The following CSMD3 variants were observed in gnomAD, a reference collection of about 807,000 sequenced individuals.
CSMD3 encodes the protein CUB and Sushi multiple domains 3, also known as CUB and sushi domain-containing protein 3.
In CSMD3, 177 loss-of-function variants were observed where a neutral mutation model predicts 435.2. That is an observed-to-expected ratio of 0.41 (90% CI 0.36 to 0.46). The LOEUF (loss-of-function observed/expected upper bound fraction) is 0.46. Among genes scored for constraint, CSMD3 ranks in the 20% least tolerant of loss-of-function variants. The probability of loss-of-function intolerance (pLI) is 0.34; values close to 1 mark genes in which losing one functional copy is unlikely to be tolerated. For synonymous variants in CSMD3, 1,656 were observed against 1,520.5 expected, an observed-to-expected ratio of 1.09 and a Z score of -2.07; for missense variants, 4,265 against 4,504.6, an observed-to-expected ratio of 0.95 and a Z score of 1.52.
At chr8:113,268,787 G>A (rs1015460877) in intron 3 of CSMD3, among the ~76,000 whole-genome samples, 1 of 151,982 alleles carries the variant, frequency 6.6e-6, no homozygotes, top group Admixed American at 6.6e-5. Context: ...CTTCATGATA[G>A]TTCTATGCCA....
In CSMD3 at chr8:112,707,834, A is replaced by T. The variant is rs186803771; in HGVS notation, c.1973-17784T>A. Reference sequence around the variant, plus strand: ...ATTCTAGAAAGAACTCTATAATTTTAAAAGAATATTAAGTTGTATTTGGGA... The same window carrying T: ...ATTCTAGAAAGAACTCTATAATTTTTAAAGAATATTAAGTTGTATTTGGGA... On this transcript the variant is annotated intron_variant, in intron 13 of 70. Transcript: ENST00000297405. 8.9e-4 allele frequency among the ~76,000 whole-genome samples: 136 copies of T among 152,242 alleles called. 1 individual carries two copies. The East Asian group carries it at 0.023, about 26-fold the overall frequency.
At chr8:113,246,604 T>C (rs1174433012) in intron 3 of CSMD3, among the ~76,000 whole-genome samples, 1 of 152,160 alleles carries the variant, frequency 6.6e-6, no homozygotes, top group Admixed American at 6.6e-5. Flanking sequence ...ACTACTTTTT[T>C]CCTATTATGG....
At chr8:112,313,778 T>G in intron 49 of CSMD3, 128 bp downstream of exon 49, 2 of 722,422 alleles carry the variant, frequency 2.8e-6, no homozygotes, top group South Asian at 3.3e-5. Flanking sequence ...ACATAAATTG[T>G]CCAGGAACCA....
intron 11 of CSMD3, among the ~76,000 whole-genome samples, chr8:112,841,756 C>T (rs2080183955): frequency 6.6e-6 from 1 of 151,510 alleles, no homozygotes; most frequent in South Asian, 2.1e-4. Context: ...ATAGGGTGGA[C>T]ACTGAAGAGG....
chr8:113,248,734 C>T (rs1306462303), intron 3 of CSMD3, among the ~76,000 whole-genome samples: 1 of 151,242 alleles, frequency 6.6e-6, no homozygotes, highest in Admixed American at 6.6e-5. Flanking sequence ...ACGTATAATA[C>T]ACATTCAATT....
intron 40 of CSMD3, among the ~76,000 whole-genome samples, chr8:112,347,931 G>T (rs1202100169): frequency 6.6e-6 from 1 of 152,184 alleles, no homozygotes; most frequent in East Asian, 1.9e-4. Flanking sequence ...TCTTTGAGCT[G>T]CTGATTGTCC....
intron 38 of CSMD3, among the ~76,000 whole-genome samples, chr8:112,353,981 T>C: frequency 6.6e-6 from 1 of 152,092 alleles, no homozygotes; most frequent in East Asian, 1.9e-4. Context: ...CAGTAGCATA[T>C]CAAAAAGTTA....
chr8:112,337,438 A>G (rs940581693), intron 43 of CSMD3, 105 bp downstream of exon 43: 9 of 852,714 alleles, frequency 1.1e-5, no homozygotes, highest in African/African-American at 1.0e-4. Flanking sequence ...CTGAGAGACT[A>G]TATATTTAGC....
At chr8:113,294,662 A>T (rs1486650714) in intron 2 of CSMD3, among the ~76,000 whole-genome samples, 1 of 152,270 alleles carries the variant, frequency 6.6e-6, no homozygotes, top group East Asian at 1.9e-4. Flanking sequence ...CAGTGAGGTG[A>T]CAAATCTAAC....
intron 13 of CSMD3, among the ~76,000 whole-genome samples, chr8:112,706,762 G>A (rs1365219152): frequency 6.6e-6 from 1 of 152,004 alleles, no homozygotes; most frequent in Non-Finnish European, 1.5e-5. Context: ...TCCATACATA[G>A]CAACTGTCAC....
chr8:112,349,023 G>T (rs1375494369), intron 40 of CSMD3, among the ~76,000 whole-genome samples: 1 of 151,888 alleles, frequency 6.6e-6, no homozygotes. Context: ...TTTATGAAAG[G>T]TTTTAAGCAG....
intron 13 of CSMD3, among the ~76,000 whole-genome samples, chr8:112,755,476 C>T (rs1323962822): frequency 6.6e-6 from 1 of 151,556 alleles, no homozygotes; most frequent in African/African-American, 2.4e-5. Flanking sequence ...CTTCTCCTTG[C>T]TGCCGCCATT....
Position 112,750,214 on chromosome 8 carries a change from G to A in CSMD3, c.1972+49948C>T, listed in dbSNP as rs529736878. 4.3e-3 allele frequency among the ~76,000 whole-genome samples: 648 copies of A among 151,758 alleles called. 2 individuals are homozygous for A. The highest frequency in any genetic ancestry group is 0.014 in the African/African-American group (564 of 41,448). On this transcript the variant is annotated intron_variant, in intron 13 of 70. Transcript: ENST00000297405. ...AGTAATTGTTCAGTAAACTTTCTGGGAATCATAATAAAAAGAAAGATAACT... is the reference window on the plus strand; with the variant it reads ...AGTAATTGTTCAGTAAACTTTCTGGAAATCATAATAAAAAGAAAGATAACT...
rs2130111416 is a variant in CSMD3 at position 112,244,477 on chromosome 8, G to T, written c.10319C>A (p.Pro3440His). 6.2e-7 allele frequency: 1 copy of T among 1,613,826 alleles called. No homozygotes were observed. The highest frequency in any genetic ancestry group is 8.5e-7 in the Non-Finnish European group (1 of 1,179,760). Residue 3440 changes from proline to histidine, a missense_variant, in exon 65 of 71, where the codon CCT becomes CAT. Around this residue, in one of 3 missense-constraint regions of CSMD3, gnomAD observed 3,255 missense variants for 3,380.2 expected, o/e 0.96. Coordinates refer to ENST00000297405, the MANE Select transcript of CSMD3 (RefSeq NM_198123.2). Reference sequence around the variant, plus strand: ...TGTTCCACCTGCTAAGAAGAAGCCAGGCTGACAGGTATAAATCAGTGTATA... The same window carrying T: ...TGTTCCACCTGCTAAGAAGAAGCCATGCTGACAGGTATAAATCAGTGTATA... ...HGYTLIYTCQPGFFLAGGTEH... is the reference protein window; with the variant it reads ...HGYTLIYTCQHGFFLAGGTEH...
At chr8:112,477,816 G>A (rs1819217073) in intron 31 of CSMD3, among the ~76,000 whole-genome samples, 1 of 152,038 alleles carries the variant, frequency 6.6e-6, no homozygotes, top group African/African-American at 2.4e-5. Flanking sequence ...AATACAAACA[G>A]ACTAACAAAT....
intron 6 of CSMD3, among the ~76,000 whole-genome samples, chr8:112,983,068 T>C (rs1006060091): frequency 2.0e-5 from 3 of 151,998 alleles, no homozygotes; most frequent in African/African-American, 7.2e-5. Context: ...TATCTCCCAA[T>C]ATTCTTTCCA....
At chr8:112,838,277 A>G (rs1448907226) in intron 11 of CSMD3, among the ~76,000 whole-genome samples, 1 of 151,858 alleles carries the variant, frequency 6.6e-6, no homozygotes, top group African/African-American at 2.4e-5. Context: ...GCAAAAAGTG[A>G]TGAGAAGGAA....
At chr8:112,595,178 A>T (rs1831576350) in intron 22 of CSMD3, among the ~76,000 whole-genome samples, 1 of 150,042 alleles carries the variant, frequency 6.7e-6, no homozygotes, top group African/African-American at 2.4e-5. Context: ...AAAGGAGCTG[A>T]TGGAGCTGAA....
intron 27 of CSMD3, among the ~76,000 whole-genome samples, chr8:112,528,466 A>C (rs1466890113): frequency 2.0e-5 from 3 of 152,168 alleles, no homozygotes; most frequent in African/African-American, 4.8e-5. Context: ...ATTAGGAAAA[A>C]AAAACCTGTT....
Sources: gnomAD v4.1 joint callset for allele counts (sites outside exome capture counted in the v4.1 genomes callset) on GRCh38, gnomAD v4.1.1 for gene constraint, gnomAD v4.1.1 regional missense constraint, MANE v1.5 for transcripts, NCBI Gene and HGNC (gene_info 2026-07-23, HGNC 2026-07-21) for gene names.